Variants in ARHGAP28 observed in about 807,000 individuals in gnomAD.
ARHGAP28 encodes the protein rho GTPase-activating protein 28.
In ARHGAP28, 56 loss-of-function variants were observed where a neutral mutation model predicts 90.7. The observed-to-expected ratio is 0.62, with a 90% CI of 0.50 to 0.77. The LOEUF is 0.77. ARHGAP28 is among the 30% of genes least tolerant of loss of function. The probability of loss-of-function intolerance (pLI) is 0.00; values close to 1 mark genes in which losing one functional copy is unlikely to be tolerated. For synonymous variants in ARHGAP28, 308 were observed against 323.3 expected, an observed-to-expected ratio of 0.95 and a Z score of 0.51; for missense variants, 869 against 900.9, an observed-to-expected ratio of 0.96 and a Z score of 0.45.
At chr18:6,825,096 A>G in intron 2 of ARHGAP28, 132 bp downstream of exon 2, 2 of 870,730 alleles carry the variant, frequency 2.3e-6, no homozygotes, top group Non-Finnish European at 3.4e-6. Context: ...CATATTGATG[A>G]TCTACTCCCA....
At chr18:6,744,352 A>G (rs1396449251) in intron 1 of ARHGAP28, among the ~76,000 whole-genome samples, 1 of 152,174 alleles carries the variant, frequency 6.6e-6, no homozygotes, top group Non-Finnish European at 1.5e-5. Flanking sequence ...GATTAGGGTC[A>G]GACTGTACTC....
intron 7 of ARHGAP28, 72 bp downstream of exon 7, chr18:6,870,804 T>TA: frequency 6.8e-7 from 1 of 1,478,218 alleles, no homozygotes; most frequent in Non-Finnish European, 9.1e-7. Context: ...GATTTCTTTT[T>TA]CTTTTTTTTT....
chr18:6,871,638 G>A (rs891279330), intron 7 of ARHGAP28, among the ~76,000 whole-genome samples: 12 of 152,206 alleles, frequency 7.9e-5, no homozygotes, highest in African/African-American at 2.9e-4. Flanking sequence ...ATGCATGTGT[G>A]AAAAGTTTAT....
intron 2 of ARHGAP28, among the ~76,000 whole-genome samples, chr18:6,826,683 C>CTTTTTTTTTTTTT (rs36069648): frequency 3.4e-5 from 3 of 88,262 alleles, no homozygotes; most frequent in Non-Finnish European, 6.1e-5. Flanking sequence ...GGATTTTGAG[C>CTTTTTTTTTTTTT]TTTTTTTTTT....
chr18:6,828,744 A>G (rs1567961741), intron 2 of ARHGAP28, among the ~76,000 whole-genome samples: 1 of 152,192 alleles, frequency 6.6e-6, no homozygotes, highest in South Asian at 2.1e-4. Context: ...GCACCAATAA[A>G]CAGTGTAATT....
chr18:6,785,646 G>T (rs1005132199), intron 1 of ARHGAP28, among the ~76,000 whole-genome samples: 1 of 152,156 alleles, frequency 6.6e-6, no homozygotes, highest in Non-Finnish European at 1.5e-5. Context: ...TATGATAAAC[G>T]ACTAAGCCAA....
At chr18:6,877,790 G>C (rs546965092) in intron 10 of ARHGAP28, among the ~76,000 whole-genome samples, 1 of 152,166 alleles carries the variant, frequency 6.6e-6, no homozygotes, top group African/African-American at 2.4e-5. Context: ...TACAAGTAAG[G>C]ATGAAAACCA....
chr18:6,771,209 A>G (rs1051799382), intron 1 of ARHGAP28, among the ~76,000 whole-genome samples: 6 of 151,778 alleles, frequency 4.0e-5, no homozygotes, highest in Non-Finnish European at 2.9e-5. Context: ...GCTAATTTTT[A>G]GATTTTTTTG....
chr18:6,797,159 T>C (rs181733215), intron 1 of ARHGAP28, among the ~76,000 whole-genome samples: 8 of 152,340 alleles, frequency 5.3e-5, no homozygotes, highest in Admixed American at 1.3e-4. Context: ...TATCCACTTA[T>C]AAAATCTGCC....
chr18:6,865,898 C>T (rs2057034676), intron 5 of ARHGAP28, among the ~76,000 whole-genome samples: 1 of 152,148 alleles, frequency 6.6e-6, no homozygotes, highest in African/African-American at 2.4e-5. Flanking sequence ...GTGAGAAACA[C>T]ATGTGGTTGA....
chr18:6,771,102 T>C (rs1311460438), intron 1 of ARHGAP28, among the ~76,000 whole-genome samples: 1 of 152,140 alleles, frequency 6.6e-6, no homozygotes, highest in Non-Finnish European at 1.5e-5. Flanking sequence ...AGTGGTATGA[T>C]CATGGCTCAC....
intron 9 of ARHGAP28, among the ~76,000 whole-genome samples, chr18:6,874,354 G>A (rs2057114630): frequency 6.6e-6 from 1 of 152,152 alleles, no homozygotes; most frequent in Non-Finnish European, 1.5e-5. Flanking sequence ...TAATTTTGGT[G>A]GAAGGAGGTT....
intron 9 of ARHGAP28, chr18:6,874,614 A>G (rs1797057666): frequency 6.6e-6 from 1 of 152,194 alleles, no homozygotes; most frequent in Admixed American, 6.5e-5. Flanking sequence ...GGAAACATAT[A>G]CTTACCTGAC....
intron 1 of ARHGAP28, among the ~76,000 whole-genome samples, chr18:6,752,418 A>G (rs1406182411): frequency 6.6e-6 from 1 of 152,224 alleles, no homozygotes; most frequent in East Asian, 1.9e-4. Context: ...TGATTGCATC[A>G]CTGTCCTCAC....
chr18:6,753,060 G>A (rs1025363373), intron 1 of ARHGAP28, among the ~76,000 whole-genome samples: 3 of 151,986 alleles, frequency 2.0e-5, no homozygotes, highest in Admixed American at 2.0e-4. Flanking sequence ...TTACAGAAAT[G>A]TTGCTTAGTT....
chr18:6,766,053 T>C (rs1054550088), intron 1 of ARHGAP28, among the ~76,000 whole-genome samples: 3 of 152,232 alleles, frequency 2.0e-5, no homozygotes, highest in African/African-American at 7.2e-5. Flanking sequence ...CTTGGGGATG[T>C]TCCCTGGGAA....
At position 6,729,781 on chromosome 18, in the gene ARHGAP28, T is replaced by G; in HGVS notation, c.-41T>G. On this transcript the variant is annotated 5_prime_UTR_variant, in exon 1 of 18. Coordinates refer to ENST00000383472, the MANE Select transcript of ARHGAP28 (RefSeq NM_001366230.1). ...GCGCGCCGGTCCATGCTGGTCCCGG[T>G]CTTTGTTCTGGGGCCGGCGCCGAGA... 2 of 1,356,764 alleles carry G rather than the reference T, an allele frequency of 1.5e-6. No individual in the cohort carries two copies. The highest frequency in any genetic ancestry group is 1.9e-6 in the Non-Finnish European group (2 of 1,057,610). The allele number at this position is 1,356,764 out of a possible 1,614,324, so 84.0% of individuals were successfully genotyped here.
chr18:6,805,992 C>G (rs897770345), intron 1 of ARHGAP28, among the ~76,000 whole-genome samples: 1 of 152,156 alleles, frequency 6.6e-6, no homozygotes, highest in Admixed American at 6.5e-5. Flanking sequence ...TCAAGCAGTT[C>G]TCCTGCCTCA....
intron 1 of ARHGAP28, among the ~76,000 whole-genome samples, chr18:6,739,914 G>A (rs2055961556): frequency 6.7e-6 from 1 of 149,638 alleles, no homozygotes; most frequent in Admixed American, 6.7e-5. Flanking sequence ...GTGTGCAATG[G>A]TGCAATGTTG....
Sources: gnomAD v4.1 joint callset for allele counts (sites outside exome capture counted in the v4.1 genomes callset) on GRCh38, gnomAD v4.1.1 for gene constraint, MANE v1.5 for transcripts, NCBI Gene and HGNC (gene_info 2026-07-23, HGNC 2026-07-21) for gene names.